The following PCDHGA12 variants were observed in gnomAD, a reference collection of about 807,000 sequenced individuals.
The protein encoded by PCDHGA12 is protocadherin gamma subfamily A, 12.
Under a neutral mutation model 61.1 loss-of-function variants are expected in PCDHGA12, and 43 were observed. That is an observed-to-expected ratio of 0.70 (90% confidence interval 0.55 to 0.91). The LOEUF is 0.91. PCDHGA12 is among the 40% of genes least tolerant of loss of function. The pLI is 0.00. For missense variants in PCDHGA12, 1,236 were observed against 1,227.7 expected, an observed-to-expected ratio of 1.01 and a Z score of -0.10; for synonymous variants, 520 against 542.9, an observed-to-expected ratio of 0.96 and a Z score of 0.59.
chr5:141,492,691 C>G (rs2099743102), intron 1 of PCDHGA12, among the ~76,000 whole-genome samples: 1 of 152,274 alleles, frequency 6.6e-6, no homozygotes, highest in South Asian at 2.1e-4. Flanking sequence ...TCGGCGACCC[C>G]TCAACCCAGA....
chr5:141,456,578 C>G (rs959608396), intron 1 of PCDHGA12, among the ~76,000 whole-genome samples: 10 of 152,182 alleles, frequency 6.6e-5, no homozygotes, highest in African/African-American at 1.7e-4. Flanking sequence ...TTTCCCTGAG[C>G]CTGTCAATAA....
chr5:141,509,873 G>C (rs2099878704), intron 3 of PCDHGA12, among the ~76,000 whole-genome samples: 1 of 152,196 alleles, frequency 6.6e-6, no homozygotes, highest in South Asian at 2.1e-4. Flanking sequence ...CAAGCTGCTG[G>C]TGGTGATGGT....
chr5:141,501,290 T>TACACATAC (rs1224133816), intron 2 of PCDHGA12, among the ~76,000 whole-genome samples: 1,510 of 136,196 alleles, frequency 0.011, 8 homozygotes, highest in Admixed American at 0.014. Flanking sequence ...TATTCCCTTA[T>TACACATAC]ACACACACAC....
Position 141,486,859 on chromosome 5 carries a change from T to C in PCDHGA12, c.2425-7948T>C, listed in dbSNP as rs1231188225. ...TTGTGCTGGACCTCAATGACAATGC[T>C]CCAGCTGTGCTCCGTCCTCGGGCCC... On this transcript the variant is annotated intron_variant, in intron 1 of 3. Transcript: ENST00000252085. The surrounding 1 kb of genome is among the most constrained non-coding windows in gnomAD (Gnocchi z 5.0). The C allele has an allele frequency of 1.9e-6, 3 of 1,614,242 alleles. No individual in the cohort carries two copies. The highest frequency in any genetic ancestry group is 2.7e-5 in the African/African-American group (2 of 75,072).
At chr5:141,480,763 A>G (rs541754723) in intron 1 of PCDHGA12, among the ~76,000 whole-genome samples, 1 of 152,308 alleles carries the variant, frequency 6.6e-6, no homozygotes, top group East Asian at 1.9e-4. Flanking sequence ...GAAGGTCCCC[A>G]CTTGATCCTA....
At chr5:141,478,050 CG>C in intron 1 of PCDHGA12, 1 of 1,614,184 alleles carries the variant, frequency 6.2e-7, no homozygotes, top group Non-Finnish European at 8.5e-7. Context: ...CAGACTCTCA[CG>C]GTCTTGATCA....
intron 2 of PCDHGA12, among the ~76,000 whole-genome samples, chr5:141,503,985 T>C (rs1277024188): frequency 6.6e-6 from 1 of 152,150 alleles, no homozygotes; most frequent in African/African-American, 2.4e-5. Flanking sequence ...ACCCTTCTTC[T>C]TACCTTACAG....
At position 141,491,222 on chromosome 5, in the gene PCDHGA12, C is replaced by A. The variant is rs1185734506; in HGVS notation, c.2425-3585C>A. 6.2e-7 allele frequency: 1 copy of A among 1,614,268 alleles called. No homozygotes were observed. Among genetic ancestry groups the A allele is most frequent in the East Asian group, 2.2e-5 (1 of 44,892 alleles). On this transcript the variant is annotated intron_variant, in intron 1 of 3. Transcript: ENST00000252085. This position sits in a 1 kb window ranked among gnomAD's most constrained non-coding sequence, Gnocchi z 6.9. Reference sequence around the variant, plus strand: ...GACCCTTCACTCTCCTCCACAGCCACAGTGCTGCTGGTTCTGGAGGATGAG... The same window carrying A: ...GACCCTTCACTCTCCTCCACAGCCAAAGTGCTGCTGGTTCTGGAGGATGAG...
chr5:141,434,964 T>C (rs2154556462), intron 1 of PCDHGA12, among the ~76,000 whole-genome samples: 1 of 152,004 alleles, frequency 6.6e-6, no homozygotes, highest in East Asian at 1.9e-4. Context: ...ATTTATAAAA[T>C]TACTTTGTTA....
Position 141,467,771 on chromosome 5 carries a change from A to G in PCDHGA12, c.2425-27036A>G, listed in dbSNP as rs542500016. Among the ~76,000 whole-genome samples, 11 of 151,422 alleles carry G rather than the reference A, an allele frequency of 7.3e-5. No individual in the cohort carries two copies. The South Asian group carries it at 2.3e-3, about 32-fold the overall frequency. On this transcript the variant is annotated intron_variant, in intron 1 of 3. Transcript: ENST00000252085. Reference sequence around the variant, plus strand: ...CCGCCTCACATGCTCAAGTGCCCGCACCTCAGCCTCTCAAGTAGCTGGGAC... The same window carrying G: ...CCGCCTCACATGCTCAAGTGCCCGCGCCTCAGCCTCTCAAGTAGCTGGGAC...
In PCDHGA12 at chr5:141,431,770, T is replaced by G. The variant is rs748816389; in HGVS notation, c.1011T>G (p.Val337=). The G allele has an allele frequency of 3.7e-6, 6 of 1,614,204 alleles. No homozygotes were observed. In the South Asian group the frequency reaches 6.6e-5, roughly 18 times the overall value. ...CGCGAGCCAAAGTCCTGATCACTGT[T>G]CTGGACGTGAACGACAATGCCCCAG... ...YSARAKVLIT[V]LDVNDNAPEV... is the part of the protein sequence containing the mutation. Residue 337 remains valine, a synonymous_variant, in exon 1 of 4, where the codon GTT becomes GTG. Coordinates refer to ENST00000252085, the MANE Select transcript of PCDHGA12 (RefSeq NM_003735.3). The surrounding 1 kb of genome is among the most constrained non-coding windows in gnomAD (Gnocchi z 4.8).
At position 141,486,045 on chromosome 5, in the gene PCDHGA12, A is replaced by G. The variant is rs2099623524; in HGVS notation, c.2425-8762A>G. The G allele has an allele frequency of 4.3e-6, 7 of 1,613,428 alleles. No individual in the cohort carries two copies. The highest frequency in any genetic ancestry group is 5.1e-6 in the Non-Finnish European group (6 of 1,179,858). ...GGTCATACCCCTGATCGTGTAAGAA[A>G]CCTCTTTAGCCTGCACCCCACTACT... On this transcript the variant is annotated intron_variant, in intron 1 of 3. Coordinates refer to ENST00000252085, the MANE Select transcript of PCDHGA12 (RefSeq NM_003735.3). This position sits in a 1 kb window ranked among gnomAD's most constrained non-coding sequence, Gnocchi z 5.0.
At position 141,431,566 on chromosome 5, in the gene PCDHGA12, T is replaced by G; in HGVS notation, c.807T>G (p.Pro269=). ...TQLLVVNATD[P]DEGVNAEVRY... ...TGCTTGTAGTCAACGCTACCGACCCTGACGAAGGAGTCAATGCGGAAGTGA... is the reference window on the plus strand; with the variant it reads ...TGCTTGTAGTCAACGCTACCGACCCGGACGAAGGAGTCAATGCGGAAGTGA... The change falls in exon 1 of 4, where the codon CCT becomes CCG. Residue 269 remains proline, a synonymous_variant. Transcript: ENST00000252085. This position sits in a 1 kb window ranked among gnomAD's most constrained non-coding sequence, Gnocchi z 4.8. 6.2e-7 allele frequency: 1 copy of G among 1,614,128 alleles called. No homozygotes were observed. The highest frequency in any genetic ancestry group is 1.1e-5 in the South Asian group (1 of 91,088).
In PCDHGA12 at chr5:141,462,383, G is replaced by A. The variant is rs78537075; in HGVS notation, c.2424+29200G>A. Among the ~76,000 whole-genome samples the A allele has an allele frequency of 5.6e-4, 85 of 151,920 alleles. 1 individual carries two copies. In the East Asian group the frequency reaches 0.016, roughly 29 times the overall value. ...GTATAGTTTCTATTCTTTTAAATTC[G>A]TTAACATTTCTTTTATGGCACAGAA... On this transcript the variant is annotated intron_variant, in intron 1 of 3. Transcript: ENST00000252085.
intron 1 of PCDHGA12, among the ~76,000 whole-genome samples, chr5:141,458,236 C>T (rs6874378): frequency 0.18 from 27,546 of 152,106 alleles, 2,658 homozygotes; most frequent in Admixed American, 0.28. Flanking sequence ...AGTCCATGCA[C>T]CAAAATGATA....
rs1417018095 is a variant in PCDHGA12, at chr5:141,430,944, G to C, written c.185G>C (p.Arg62Pro). ...CTGGAGCCCCGGGAGCTCGCGGAGC[G>C]CGGAGTCCGCATCATCCCCAGAGGT... The part of the protein sequence containing the change: ...LGLEPRELAE[R>P]GVRIIPRGRT... The change falls in exon 1 of 4, where the codon CGC (arginine) becomes CCC (proline). Residue 62 changes from arginine (R) to proline (P), a missense_variant. By Grantham distance (103) the Arg-to-Pro change is moderately radical. Transcript: ENST00000252085. The C allele has an allele frequency of 6.2e-7, 1 of 1,609,214 alleles. No homozygotes were observed. The highest frequency in any genetic ancestry group is 8.5e-7 in the Non-Finnish European group (1 of 1,178,022).
intron 1 of PCDHGA12, among the ~76,000 whole-genome samples, chr5:141,444,977 T>A (rs2098452876): frequency 1.3e-5 from 2 of 152,200 alleles, no homozygotes; most frequent in South Asian, 4.1e-4. Flanking sequence ...TTCAAATCCA[T>A]GAACATGGTA....
chr5:141,497,702 G>A (rs904199928), intron 2 of PCDHGA12, among the ~76,000 whole-genome samples: 16 of 152,054 alleles, frequency 1.1e-4, no homozygotes, highest in African/African-American at 3.9e-4. Context: ...ACCACACCCA[G>A]CTCATTTTTG....
At position 141,486,709 on chromosome 5, in the gene PCDHGA12, C is replaced by T; in HGVS notation, c.2425-8098C>T. 6.2e-7 allele frequency: 1 copy of T among 1,614,182 alleles called. No individual in the cohort carries two copies. ...CTTCCTCTTTCATCTCTCTGAACCC[C>T]CAGACAGGAGCTGTTCATGCTACTC... On this transcript the variant is annotated intron_variant, in intron 1 of 3. Coordinates refer to ENST00000252085, the MANE Select transcript of PCDHGA12 (RefSeq NM_003735.3). This position sits in a 1 kb window ranked among gnomAD's most constrained non-coding sequence, Gnocchi z 5.0.
Sources: allele counts gnomAD v4.1 joint callset (sites outside exome capture counted in the v4.1 genomes callset), GRCh38; gene constraint gnomAD v4.1.1; non-coding constraint Gnocchi (gnomAD v3.1); transcripts MANE v1.5; gene names NCBI Gene and HGNC (gene_info 2026-07-23, HGNC 2026-07-21).